The following CCDC88A variants were observed in gnomAD, a reference collection of about 807,000 sequenced individuals.
CCDC88A encodes the protein girdin.
In CCDC88A, 54 loss-of-function variants were observed where a neutral mutation model predicts 234.3. That is an observed-to-expected ratio of 0.23 (90% CI 0.19 to 0.29). The LOEUF (loss-of-function observed/expected upper bound fraction) is 0.29. Among genes scored for constraint, CCDC88A ranks in the 10% least tolerant of loss-of-function variants. CCDC88A has a pLI of 1.00. For missense variants in CCDC88A, 1,832 were observed against 2,123.4 expected (o/e 0.86, Z 2.70); for synonymous variants, 753 against 737.8 (o/e 1.02, Z -0.33).
intron 13 of CCDC88A, among the ~76,000 whole-genome samples, chr2:55,338,501 A>C (rs1668072374): frequency 6.6e-6 from 1 of 152,202 alleles, no homozygotes; most frequent in Non-Finnish European, 1.5e-5. Context: ...AAAATAAAAC[A>C]CTTGTTCTTG....
chr2:55,304,713 C>G (rs1011790927), intron 25 of CCDC88A, among the ~76,000 whole-genome samples: 13 of 151,932 alleles, frequency 8.6e-5, no homozygotes, highest in African/African-American at 3.1e-4. Flanking sequence ...GTCATTAGAA[C>G]AAAAATAAAA....
chr2:55,381,812 C>T (rs1674654897), intron 3 of CCDC88A, among the ~76,000 whole-genome samples: 1 of 152,152 alleles, frequency 6.6e-6, no homozygotes, highest in South Asian at 2.1e-4. Flanking sequence ...TTTCCTGAAT[C>T]ACCACACAGA....
intron 12 of CCDC88A, 85 bp from the exon 13 acceptor site, chr2:55,339,733 A>G: frequency 9.6e-7 from 1 of 1,043,626 alleles, no homozygotes; most frequent in South Asian, 1.8e-5. Context: ...AGTTGAGTGT[A>G]TATGCATTGC....
intron 2 of CCDC88A, chr2:55,394,546 C>T (rs1405096194): frequency 6.6e-6 from 1 of 150,880 alleles, no homozygotes; most frequent in Admixed American, 6.6e-5. Flanking sequence ...ACAGTCCCAC[C>T]AACAGTGTAA....
chr2:55,410,549 C>G (rs992131886), intron 2 of CCDC88A, among the ~76,000 whole-genome samples: 1 of 152,116 alleles, frequency 6.6e-6, no homozygotes, highest in Non-Finnish European at 1.5e-5. Context: ...TCTCCTCTCA[C>G]TCAGAGTGAA....
chr2:55,387,661 A>G (rs1675891780), intron 3 of CCDC88A, among the ~76,000 whole-genome samples: 1 of 151,478 alleles, frequency 6.6e-6, no homozygotes, highest in Non-Finnish European at 1.5e-5. Flanking sequence ...GCACACCTAT[A>G]GTCCCAGCTA....
chr2:55,343,840 A>G lies in CCDC88A; in HGVS notation c.1189-48T>C, dbSNP rs536235835. 8.0e-5 allele frequency: 116 copies of G among 1,445,042 alleles called. 2 individuals carry two copies. The South Asian group carries it at 1.3e-3, about 17-fold the overall frequency. 89.5% of individuals were successfully genotyped at this position (1,445,042 alleles called of 1,614,324 possible). ...GGAGAGAAAAAAGCTAAGAAACAGT[A>G]CAATTTTGAGCAAATACTTTATTTC... is the stretch of plus-strand genomic sequence containing the variant. On this transcript the variant is annotated intron_variant, in intron 11 of 32. Transcript: ENST00000436346.
chr2:55,392,951 C>T (rs1275010669), intron 2 of CCDC88A, among the ~76,000 whole-genome samples: 1 of 152,154 alleles, frequency 6.6e-6, no homozygotes, highest in African/African-American at 2.4e-5. Context: ...TCTACTAAGA[C>T]AAGCCCCTTT....
At chr2:55,397,450 T>C (rs1319932884) in intron 2 of CCDC88A, 1 of 152,156 alleles carries the variant, frequency 6.6e-6, no homozygotes, top group Non-Finnish European at 1.5e-5. Context: ...AACTGTATTA[T>C]TTGTAGTGCA....
chr2:55,410,329 C>T (rs1680270426), intron 2 of CCDC88A, among the ~76,000 whole-genome samples: 1 of 152,176 alleles, frequency 6.6e-6, no homozygotes, highest in African/African-American at 2.4e-5. Context: ...TGGGCTTAAC[C>T]ACACTCTGCT....
chr2:55,384,610 T>TAC (rs1558788764), intron 3 of CCDC88A, among the ~76,000 whole-genome samples: 1 of 115,196 alleles, frequency 8.7e-6, no homozygotes, highest in African/African-American at 4.6e-5. Context: ...CGTATATATG[T>TAC]GTATATATAC....
chr2:55,386,822 CAA>C (rs1376461755), intron 3 of CCDC88A, among the ~76,000 whole-genome samples: 1 of 151,954 alleles, frequency 6.6e-6, no homozygotes, highest in African/African-American at 2.4e-5. Context: ...CTTCCAAAAA[CAA>C]GAGTGAAATA....
Position 55,303,130 on chromosome 2 carries a change from G to A in CCDC88A, c.4410C>T (p.Pro1470=). The part of the protein sequence containing the change: ...KSSMVALKRL[P]FLRNRPKDKD... ...TATCCTTCGGTCTGTTCCTCAAAAAGGGCAGTCTTTTCAGTGCAACCACTT... is the reference window on the plus strand; with the variant it reads ...TATCCTTCGGTCTGTTCCTCAAAAAAGGCAGTCTTTTCAGTGCAACCACTT... Residue 1470 remains proline (P), a synonymous_variant, in exon 26 of 33, where the codon CCC becomes CCT. Coordinates refer to ENST00000436346, the MANE Select transcript of CCDC88A (RefSeq NM_001365480.1). The A allele has an allele frequency of 1.3e-6, 2 of 1,551,336 alleles. No individual in the cohort carries two copies. The highest frequency in any genetic ancestry group is 1.7e-6 in the Non-Finnish European group (2 of 1,146,478).
intron 18 of CCDC88A, among the ~76,000 whole-genome samples, chr2:55,319,240 G>A (rs10194662): frequency 0.022 from 3,277 of 152,174 alleles, 131 homozygotes; most frequent in African/African-American, 0.074. Flanking sequence ...CCTGTGTCTT[G>A]TCTGCATTAT....
intron 30 of CCDC88A, 74 bp downstream of exon 30, chr2:55,296,184 A>AAT: frequency 1.4e-6 from 2 of 1,472,384 alleles, no homozygotes; most frequent in Non-Finnish European, 1.8e-6. Flanking sequence ...AAAAAAAAAA[A>AAT]GCTCTGAAGT....
At chr2:55,338,039 T>A (rs1668022587) in intron 13 of CCDC88A, among the ~76,000 whole-genome samples, 1 of 152,182 alleles carries the variant, frequency 6.6e-6, no homozygotes, top group African/African-American at 2.4e-5. Flanking sequence ...TGTTGTTTTG[T>A]ATCAATGGGA....
chr2:55,345,418 T>C (rs1220634670), intron 10 of CCDC88A: 2 of 152,252 alleles, frequency 1.3e-5, no homozygotes, highest in African/African-American at 2.4e-5. Context: ...TTTGTTTTGT[T>C]TGAGACAGAG....
chr2:55,353,914 T>C (rs1263324414), intron 8 of CCDC88A, among the ~76,000 whole-genome samples: 1 of 152,206 alleles, frequency 6.6e-6, no homozygotes, highest in African/African-American at 2.4e-5. Flanking sequence ...ATTTCATCAC[T>C]GGGCAAACAT....
Position 55,309,589 on chromosome 2 carries a change from G to A in CCDC88A, c.4080-335C>T, listed in dbSNP as rs755867359. ...TGTTCATGCAAATATTTTTCTTTTC[G>A]GCAGAATTACTTAGGTTTGATTTAC... On this transcript the variant is annotated intron_variant, in intron 23 of 32. Transcript: ENST00000436346. The surrounding 1 kb of genome is among the most constrained non-coding windows in gnomAD (Gnocchi z 5.1). Among the ~76,000 whole-genome samples the A allele has an allele frequency of 7.3e-5, 11 of 151,602 alleles. No homozygotes were observed. The highest frequency in any genetic ancestry group is 3.9e-4 in the East Asian group (2 of 5,178).
Sources: gnomAD v4.1 joint callset for allele counts (sites outside exome capture counted in the v4.1 genomes callset) on GRCh38, gnomAD v4.1.1 for gene constraint, Gnocchi (gnomAD v3.1) non-coding constraint, MANE v1.5 for transcripts, NCBI Gene and HGNC (gene_info 2026-07-23, HGNC 2026-07-21) for gene names.